The following MMP15 variants were observed in gnomAD, a reference collection of about 807,000 sequenced individuals.
The protein encoded by MMP15 is matrix metallopeptidase 15.
In MMP15, 36 loss-of-function variants were observed where a neutral mutation model predicts 65.0. That is an observed-to-expected ratio of 0.55 (90% CI 0.42 to 0.73). The LOEUF is 0.73. Ranked by LOEUF, MMP15 falls within the 30% of genes least tolerant of loss-of-function variation. The pLI is 0.00. For missense variants in MMP15, 870 were observed against 987.8 expected, an observed-to-expected ratio of 0.88 and a Z score of 1.60; for synonymous variants, 428 against 410.2, an observed-to-expected ratio of 1.04 and a Z score of -0.52.
At position 58,045,192 on chromosome 16, in the gene MMP15, G is replaced by A. The variant is rs1462289613; in HGVS notation, c.1756G>A (p.Gly586Arg). Residue 586 changes from glycine to arginine, a missense_variant, in exon 10 of 10, where the codon GGG becomes AGG. By Grantham distance (125) the Gly-to-Arg change is moderately radical. Transcript: ENST00000219271. ...CAACCCCCACGGGGGTGCAGAGCCC[G>A]GGGCGGACAGCGCAGAGGGCGACGT... is the stretch of plus-strand genomic sequence containing the variant. ...PFNPHGGAEPGADSAEGDVGD... is the reference protein window; with the variant it reads ...PFNPHGGAEPRADSAEGDVGD... The A allele has an allele frequency of 1.9e-5, 30 of 1,592,506 alleles. No individual in the cohort carries two copies. Among genetic ancestry groups the A allele is most frequent in the Admixed American group, 5.4e-5 (3 of 55,160 alleles).
rs41418849 is a variant in MMP15 at position 58,028,177 on chromosome 16, T to A, written c.162+1665T>A. On this transcript the variant is annotated intron_variant, in intron 1 of 9. Coordinates refer to ENST00000219271, the MANE Select transcript of MMP15 (RefSeq NM_002428.4). Reference sequence around the variant, plus strand: ...GGGCTTCACTCTCTCTCTCTTCTGCTTTTCCAGTTCCATCTCACCCCTACC... The same window carrying A: ...GGGCTTCACTCTCTCTCTCTTCTGCATTTCCAGTTCCATCTCACCCCTACC... Among the ~76,000 whole-genome samples, 4 of 152,270 alleles carry A rather than the reference T, an allele frequency of 2.6e-5. No homozygotes were observed. The East Asian group carries it at 7.7e-4, about 29-fold the overall frequency.
rs140671172 is a variant in MMP15 at position 58,044,181 on chromosome 16, C to T, written c.1570+554C>T. Reference sequence around the variant, plus strand: ...GAAAAACCAGCCAGGTGTAGTGGCTCACGCCTGTAATCCCAGCTCTTGGAG... The same window carrying T: ...GAAAAACCAGCCAGGTGTAGTGGCTTACGCCTGTAATCCCAGCTCTTGGAG... On this transcript the variant is annotated intron_variant, in intron 9 of 9. Coordinates refer to ENST00000219271, the MANE Select transcript of MMP15 (RefSeq NM_002428.4). 9.2e-5 allele frequency among the ~76,000 whole-genome samples: 14 copies of T among 152,312 alleles called. No individual in the cohort carries two copies. In the East Asian group the frequency reaches 2.7e-3, roughly 29 times the overall value.
intron 2 of MMP15, among the ~76,000 whole-genome samples, chr16:58,037,828 A>T (rs1366716345): frequency 2.0e-5 from 3 of 152,244 alleles, no homozygotes; most frequent in African/African-American, 7.2e-5. Flanking sequence ...TCCAGGCCTT[A>T]GCAGTAAGAA....
chr16:58,041,322 G>T (rs1165290991), intron 5 of MMP15, among the ~76,000 whole-genome samples: 1 of 152,184 alleles, frequency 6.6e-6, no homozygotes, highest in Non-Finnish European at 1.5e-5. Context: ...TGAAGCCAGG[G>T]CCTGGAGCCT....
In MMP15 at chr16:58,042,214, C is replaced by A; in HGVS notation, c.1165-17C>A. The A allele has an allele frequency of 6.2e-7, 1 of 1,610,692 alleles. No individual in the cohort carries two copies. The highest frequency in any genetic ancestry group is 8.5e-7 in the Non-Finnish European group (1 of 1,178,336). Reference sequence around the variant, plus strand: ...GCAGCTTGCCTGCGCTGCCCGCTCACACTATGCCCTCCCCAGGGCCGCTGG... The same window carrying A: ...GCAGCTTGCCTGCGCTGCCCGCTCAAACTATGCCCTCCCCAGGGCCGCTGG... On this transcript the variant is annotated splice_polypyrimidine_tract_variant and intron_variant, in intron 6 of 9. Coordinates refer to ENST00000219271, the MANE Select transcript of MMP15 (RefSeq NM_002428.4).
chr16:58,043,022 C>T (rs979451542), intron 7 of MMP15, among the ~76,000 whole-genome samples, 188 bp from the exon 8 acceptor site: 1 of 152,114 alleles, frequency 6.6e-6, no homozygotes, highest in Non-Finnish European at 1.5e-5. Context: ...GACTCTTGCT[C>T]ACGGGAACAA....
At chr16:58,035,207 C>T (rs1959306514) in intron 1 of MMP15, among the ~76,000 whole-genome samples, 1 of 152,226 alleles carries the variant, frequency 6.6e-6, no homozygotes, top group Admixed American at 6.5e-5. Context: ...CCACACCTTC[C>T]AGCACAGGAG....
chr16:58,028,164 C>T (rs543955021), intron 1 of MMP15, among the ~76,000 whole-genome samples: 3 of 152,318 alleles, frequency 2.0e-5, no homozygotes, highest in Admixed American at 2.0e-4. Flanking sequence ...GCTTCACTCT[C>T]TCTCTCTTCT....
chr16:58,037,413 G>A, intron 1 of MMP15, 59 bp from the exon 2 acceptor site: 1 of 1,588,934 alleles, frequency 6.3e-7, no homozygotes, highest in East Asian at 2.2e-5. Context: ...GGCACAGGCT[G>A]TGCATGTTTG....
chr16:58,045,592 T>A lies in MMP15; in HGVS notation c.*146T>A, dbSNP rs1959551149. On this transcript the variant is annotated 3_prime_UTR_variant, in exon 10 of 10. Transcript: ENST00000219271. ...GCCCTCATTATTTATGTCCAGGTGT[T>A]TGTTTTGTTTTGTTTTTGGCACCTT... 1.5e-6 allele frequency: 1 copy of A among 655,798 alleles called. No individual in the cohort carries two copies. Among genetic ancestry groups the A allele is most frequent in the Admixed American group, 3.3e-5 (1 of 30,072 alleles). 40.6% of individuals were successfully genotyped at this position (655,798 alleles called of 1,614,324 possible). A position where few individuals can be genotyped will look rare whatever the true frequency, so the allele number is the denominator to read the frequency against.
Position 58,046,105 on chromosome 16 carries a change from C to T in MMP15, c.*659C>T, listed in dbSNP as rs11076213. Reference sequence around the variant, plus strand: ...CCCACCTCCCCTTGGGCCCACACCTCCTTCCCTCTCTGGAGAAAGGGCCCT... The same window carrying T: ...CCCACCTCCCCTTGGGCCCACACCTTCTTCCCTCTCTGGAGAAAGGGCCCT... On this transcript the variant is annotated 3_prime_UTR_variant, in exon 10 of 10. Transcript: ENST00000219271. 81,833 of 152,536 alleles carry T rather than the reference C, an allele frequency of 0.54. 22,972 individuals are homozygous for T. Among genetic ancestry groups the T allele is most frequent in the Middle Eastern group, 0.7 (208 of 296 alleles). 9.4% of individuals were successfully genotyped at this position (152,536 alleles called of 1,614,324 possible). A position where few individuals can be genotyped will look rare whatever the true frequency, so the allele number is the denominator to read the frequency against.
At chr16:58,031,555 G>A (rs4784886) in intron 1 of MMP15, among the ~76,000 whole-genome samples, 113,118 of 152,048 alleles carry the variant, frequency 0.74, 42,916 homozygotes, top group African/African-American at 0.89. Flanking sequence ...CACCCCGCGC[G>A]CTGGCCAGGG....
At chr16:58,035,363 C>T (rs1394598613) in intron 1 of MMP15, among the ~76,000 whole-genome samples, 3 of 152,210 alleles carry the variant, frequency 2.0e-5, no homozygotes, top group Non-Finnish European at 4.4e-5. Context: ...CCTCCCTCCA[C>T]TCTGGGGTCC....
chr16:58,045,253 A>C lies in MMP15; in HGVS notation c.1817A>C (p.Asn606Thr). 6.2e-7 allele frequency: 1 copy of C among 1,608,344 alleles called. No homozygotes were observed. The change falls in exon 10 of 10, where the codon AAC becomes ACC. Residue 606 changes from asparagine (N) to threonine (T), a missense_variant. By Grantham distance (65) the Asn-to-Thr change is moderately conservative. Transcript: ENST00000219271. ...DGDGDFGAGV[N>T]KDGGSRVVVQ... ...GATGGGGACTTTGGGGCCGGGGTCA[A>C]CAAGGACGGGGGCAGCCGCGTGGTG...
intron 1 of MMP15, among the ~76,000 whole-genome samples, chr16:58,029,716 A>G (rs1398907711): frequency 6.6e-6 from 1 of 152,194 alleles, no homozygotes; most frequent in South Asian, 2.1e-4. Flanking sequence ...TGACCTCTGA[A>G]CATAAATACC....
intron 1 of MMP15, among the ~76,000 whole-genome samples, chr16:58,027,127 A>G (rs1162987819): frequency 6.6e-6 from 1 of 152,222 alleles, no homozygotes; most frequent in Non-Finnish European, 1.5e-5. Context: ...GAGGAAGCCT[A>G]GGCACGCCCG....
At position 58,045,547 on chromosome 16, in the gene MMP15, T is replaced by A; in HGVS notation, c.*101T>A. 1 of 936,818 alleles carries A rather than the reference T, an allele frequency of 1.1e-6. No homozygotes were observed. Among genetic ancestry groups the A allele is most frequent in the Non-Finnish European group, 1.6e-6 (1 of 644,218 alleles). The allele number at this position is 936,818 out of a possible 1,614,324, so 58.0% of individuals were successfully genotyped here. A position where few individuals can be genotyped will look rare whatever the true frequency, so the allele number is the denominator to read the frequency against. On this transcript the variant is annotated 3_prime_UTR_variant, in exon 10 of 10. Coordinates refer to ENST00000219271, the MANE Select transcript of MMP15 (RefSeq NM_002428.4). ...CCCAGGTAGGGGCCCCTCTCAGCCC[T>A]CACACACCCTGTCTGCCCCGCCCTC...
At chr16:58,035,294 G>A (rs929008430) in intron 1 of MMP15, among the ~76,000 whole-genome samples, 2 of 152,220 alleles carry the variant, frequency 1.3e-5, no homozygotes, top group Non-Finnish European at 2.9e-5. Context: ...TTGAGCTGTG[G>A]GAATGCGCCC....
At chr16:58,037,804 C>T (rs1004072581) in intron 2 of MMP15, among the ~76,000 whole-genome samples, 184 bp downstream of exon 2, 1 of 152,136 alleles carries the variant, frequency 6.6e-6, no homozygotes, top group African/African-American at 2.4e-5. Context: ...ATTGAGAAAG[C>T]TCCAGGGGCA....
Sources: allele counts gnomAD v4.1 joint callset (sites outside exome capture counted in the v4.1 genomes callset), GRCh38; gene constraint gnomAD v4.1.1; transcripts MANE v1.5; gene names NCBI Gene and HGNC (gene_info 2026-07-23, HGNC 2026-07-21).